The following TMEM71 variants were observed in gnomAD, a reference collection of about 807,000 sequenced individuals.
TMEM71 encodes the protein transmembrane protein 71.
Under a neutral mutation model 38.0 loss-of-function variants are expected in TMEM71, and 44 were observed. The observed-to-expected ratio is 1.16, with a 90% confidence interval of 0.91 to 1.49. The LOEUF (loss-of-function observed/expected upper bound fraction) is 1.49, where lower values mean the gene tolerates loss of function less well. TMEM71 is among the 40% of genes most tolerant of loss of function. The pLI, the probability that TMEM71 is intolerant of heterozygous loss-of-function variation, is 0.00. For missense variants in TMEM71, 367 were observed against 348.6 expected (o/e 1.05, Z -0.42); for synonymous variants, 133 against 122.5 (o/e 1.09, Z -0.56).
chr8:132,749,518 G>A (rs769078109), intron 4 of TMEM71, among the ~76,000 whole-genome samples: 8 of 152,250 alleles, frequency 5.3e-5, no homozygotes, highest in South Asian at 4.1e-4. Context: ...TACGGGCTGG[G>A]GAAAGAAGAT....
intron 3 of TMEM71, among the ~76,000 whole-genome samples, chr8:132,753,708 G>A (rs1389611494): frequency 6.6e-6 from 1 of 152,124 alleles, no homozygotes; most frequent in Non-Finnish European, 1.5e-5. Context: ...TTGCTTAGGT[G>A]AGTAACATTA....
At chr8:132,714,333 A>G in intron 7 of TMEM71, 118 bp from the exon 8 acceptor site, 1 of 781,596 alleles carries the variant, frequency 1.3e-6, no homozygotes, top group Non-Finnish European at 2.2e-6. Flanking sequence ...CTACAGTAAT[A>G]AAGACAGTGG....
chr8:132,766,289 T>C, the TMEM71 span, among the ~76,000 whole-genome samples: 2 of 150,664 alleles, frequency 1.3e-5, no homozygotes, highest in African/African-American at 4.9e-5. Flanking sequence ...ATTTCCTTGG[T>C]CAAAGCATAT....
the TMEM71 span, among the ~76,000 whole-genome samples, chr8:132,772,184 A>G: frequency 6.6e-6 from 1 of 152,240 alleles, no homozygotes; most frequent in Non-Finnish European, 1.5e-5. Context: ...TTCCTACCTT[A>G]AAATAGGTAT....
intron 5 of TMEM71, among the ~76,000 whole-genome samples, chr8:132,737,120 G>A (rs988475883): frequency 3.3e-5 from 5 of 151,974 alleles, no homozygotes; most frequent in Non-Finnish European, 5.9e-5. Context: ...GTGACTGCGA[G>A]TGAGTATCAG....
intron 4 of TMEM71, among the ~76,000 whole-genome samples, chr8:132,749,594 C>A (rs1053889606): frequency 6.6e-6 from 1 of 152,188 alleles, no homozygotes; most frequent in Non-Finnish European, 1.5e-5. Flanking sequence ...CATGGCACAG[C>A]CTCTACAAGG....
At chr8:132,746,893 G>A in intron 5 of TMEM71, 49 bp downstream of exon 5, 1 of 1,484,244 alleles carries the variant, frequency 6.7e-7, no homozygotes. Flanking sequence ...GGTTACCACT[G>A]CCCACTTGGA....
intron 5 of TMEM71, among the ~76,000 whole-genome samples, chr8:132,730,504 T>C (rs952342534): frequency 6.6e-6 from 1 of 152,170 alleles, no homozygotes; most frequent in Non-Finnish European, 1.5e-5. Context: ...CAGAAAAAGA[T>C]AATCCTGCAG....
At chr8:132,753,364 G>T (rs560970123) in intron 3 of TMEM71, among the ~76,000 whole-genome samples, 3 of 152,130 alleles carry the variant, frequency 2.0e-5, no homozygotes, top group African/African-American at 7.2e-5. Context: ...GCTCTCATGT[G>T]CTCTTTACCT....
At chr8:132,711,276 T>G (rs763809831) in intron 9 of TMEM71, among the ~76,000 whole-genome samples, 7 of 152,208 alleles carry the variant, frequency 4.6e-5, no homozygotes, top group Non-Finnish European at 4.4e-5. Flanking sequence ...TATGGTTTCC[T>G]CTTCCCACCT....
chr8:132,716,690 C>G (rs1456144844), intron 7 of TMEM71, among the ~76,000 whole-genome samples: 1 of 152,050 alleles, frequency 6.6e-6, no homozygotes, highest in East Asian at 1.9e-4. Context: ...GAATCAAACC[C>G]CCTTCGGTAT....
At chr8:132,765,592 T>C (rs1471522502), upstream of TMEM71, among the ~76,000 whole-genome samples, 1 of 152,168 alleles carries the variant, frequency 6.6e-6, no homozygotes, top group Non-Finnish European at 1.5e-5. Flanking sequence ...CTTTTGATAC[T>C]GACCAACTGT....
In TMEM71 at chr8:132,727,866, T is replaced by C. The variant is rs776371772; in HGVS notation, c.608A>G (p.His203Arg). 1.9e-6 allele frequency: 3 copies of C among 1,614,160 alleles called. No homozygotes were observed. The highest frequency in any genetic ancestry group is 1.7e-5 in the Admixed American group (1 of 60,010). Reference protein sequence around the residue: ...IISQPPGGNSHSLSLQSQLTA... With the variant: ...IISQPPGGNSRSLSLQSQLTA... ...CAACTGGGACTGAAGAGACAAGCTA[T>C]GGGAGTTTCCTCCAGGAGGCTGAGA... The change falls in exon 6 of 10, where the codon CAT (histidine) becomes CGT (arginine). Residue 203 changes from histidine (H) to arginine (R), a missense_variant. By Grantham distance (29) the His-to-Arg change is conservative. Transcript: ENST00000677595.
intron 9 of TMEM71, among the ~76,000 whole-genome samples, chr8:132,712,621 A>AAGCC (rs1310321243): frequency 6.6e-6 from 1 of 152,128 alleles, no homozygotes; most frequent in Non-Finnish European, 1.5e-5. Flanking sequence ...TAAAATCTCA[A>AAGCC]AGCCAGCCAC....
chr8:132,732,907 G>A (rs138677667), intron 5 of TMEM71, among the ~76,000 whole-genome samples: 1 of 152,238 alleles, frequency 6.6e-6, no homozygotes, highest in East Asian at 1.9e-4. Context: ...ACCTGCCCAC[G>A]ATACTGTGAT....
rs1209456337 is a variant in TMEM71, at chr8:132,744,313, T to TTAA, written c.487+2626_487+2628dup. On this transcript the variant is annotated intron_variant, in intron 5 of 9. Transcript: ENST00000677595. ...TGATATTCATTGTCCCATTTCATCT[T>TTAA]TAAAATATACTTTGAGAATCAACGT... Among the ~76,000 whole-genome samples, 10 of 152,220 alleles carry TTAA rather than the reference T, an allele frequency of 6.6e-5. No individual in the cohort carries two copies. The South Asian group carries it at 2.1e-3, about 31-fold the overall frequency.
chr8:132,771,727 A>G, the TMEM71 span, among the ~76,000 whole-genome samples: 2 of 152,150 alleles, frequency 1.3e-5, no homozygotes, highest in African/African-American at 4.8e-5. Flanking sequence ...ATTCTAAGAA[A>G]GTGGAATATA....
chr8:132,752,061 T>G, intron 3 of TMEM71, 64 bp from the exon 4 acceptor site: 10 of 1,353,674 alleles, frequency 7.4e-6, no homozygotes, highest in Non-Finnish European at 1.0e-5. Context: ...AAATAAACCA[T>G]GTCTCATCAC....
At chr8:132,751,669 C>G in intron 4 of TMEM71, 116 bp downstream of exon 4, 1 of 972,866 alleles carries the variant, frequency 1.0e-6, no homozygotes, top group Non-Finnish European at 1.6e-6. Flanking sequence ...TGTATTTCCA[C>G]AGTCTGGAGC....
Sources: allele counts gnomAD v4.1 joint callset (sites outside exome capture counted in the v4.1 genomes callset), GRCh38; gene constraint gnomAD v4.1.1; transcripts MANE v1.5; gene names NCBI Gene and HGNC (gene_info 2026-07-23, HGNC 2026-07-21).